Variants in SELENON observed in about 807,000 individuals in gnomAD.
SELENON encodes selenoprotein N, also known as selenoprotein N, 1.
In SELENON, 44 loss-of-function variants were observed where a neutral mutation model predicts 59.5. The observed-to-expected ratio is 0.74, with a 90% CI of 0.58 to 0.95. SELENON has a LOEUF of 0.95. Among genes scored for constraint, SELENON ranks in the 40% least tolerant of loss-of-function variants. The pLI is 0.00. For synonymous variants in SELENON, 320 were observed against 305.6 expected (o/e 1.05, Z -0.49); for missense variants, 674 against 721.4 (o/e 0.93, Z 0.75).
Position 25,802,001 on chromosome 1 carries a change from T to C in SELENON, c.302-15T>C. 2 of 269,674 alleles carry C rather than the reference T, an allele frequency of 7.4e-6. No individual in the cohort carries two copies. Among genetic ancestry groups the C allele is most frequent in the East Asian group, 1.2e-4 (1 of 8,004 alleles). The allele number at this position is 269,674 out of a possible 1,614,324, so 16.7% of individuals were successfully genotyped here. A position where few individuals can be genotyped will look rare whatever the true frequency, so the allele number is the denominator to read the frequency against. On this transcript the variant is annotated splice_polypyrimidine_tract_variant and intron_variant, in intron 2 of 12. Coordinates refer to ENST00000361547, the MANE Select transcript of SELENON (RefSeq NM_020451.3). ...ATAGACAGCAGCTATAACTTTTTTTTTTTTTTTGAGACAGGGTCTTGTTCT... is the reference window on the plus strand; with the variant it reads ...ATAGACAGCAGCTATAACTTTTTTTCTTTTTTTGAGACAGGGTCTTGTTCT...
chr1:25,812,556 T>TACAAACAA (rs1491487893), intron 9 of SELENON, 131 bp from the exon 9 acceptor site: 8 of 527,904 alleles, frequency 1.5e-5, no homozygotes, highest in East Asian at 7.6e-5. Flanking sequence ...TATATATGCC[T>TACAAACAA]ACACACAAAC....
At chr1:25,801,907 T>A in intron 2 of SELENON, 2 of 209,266 alleles carry the variant, frequency 9.6e-6, no homozygotes, top group Non-Finnish European at 2.0e-5. Context: ...GGCTTCAGGG[T>A]CCTGCACCAG....
In SELENON at chr1:25,811,788, A is replaced by G; in HGVS notation, c.1190A>G (p.Gln397Arg). The G allele has an allele frequency of 6.3e-7, 1 of 1,590,744 alleles. No homozygotes were observed. Among genetic ancestry groups the G allele is most frequent in the Non-Finnish European group, 8.6e-7 (1 of 1,168,838 alleles). ...CACCTGCCTTCAGGGGAGCCCCTGC[A>G]GTTTGTGTTTGAGGAGATCAAGTGG... The change falls in exon 9 of 13, where the codon CAG becomes CGG. Residue 397 changes from glutamine to arginine, a missense_variant. By Grantham distance (43) the Gln-to-Arg change is conservative (BLOSUM62 1). Coordinates refer to ENST00000361547, the MANE Select transcript of SELENON (RefSeq NM_020451.3).
Position 25,805,009 on chromosome 1 carries a change from T to C in SELENON, c.404-133T>C, listed in dbSNP as rs931951606. On this transcript the variant is annotated intron_variant, in intron 3 of 12. Coordinates refer to ENST00000361547, the MANE Select transcript of SELENON (RefSeq NM_020451.3). ...AAAATGCGATACACTGGTTGTTACT[T>C]TGGTGACTGTTAACACCCCAGCTAC... The C allele has an allele frequency of 1.4e-5, 16 of 1,106,510 alleles. No individual in the cohort carries two copies. The African/African-American group carries it at 2.3e-4, about 16-fold the overall frequency. 68.5% of individuals were successfully genotyped at this position (1,106,510 alleles called of 1,614,324 possible).
intron 3 of SELENON, 151 bp from the exon 3 acceptor site, chr1:25,804,991 G>T: frequency 1.1e-6 from 1 of 917,728 alleles, no homozygotes; most frequent in Non-Finnish European, 1.8e-6. Flanking sequence ...ACTAAAATGC[G>T]ATACACTGGT....
intron 3 of SELENON, among the ~76,000 whole-genome samples, chr1:25,802,926 C>T (rs901582087): frequency 3.3e-5 from 5 of 152,140 alleles, no homozygotes; most frequent in Non-Finnish European, 7.3e-5. Flanking sequence ...CTGGCTGTTT[C>T]GGGTGCATAA....
At chr1:25,813,823 G>A (rs1383690399) in intron 10 of SELENON, 58 bp from the exon 10 acceptor site, 11 of 1,375,042 alleles carry the variant, frequency 8.0e-6, no homozygotes, top group Non-Finnish European at 1.0e-5. Flanking sequence ...TCTCCCCAAA[G>A]CAAGATTGCA....
chr1:25,805,693 G>A (rs377738860), intron 4 of SELENON, among the ~76,000 whole-genome samples: 10 of 151,918 alleles, frequency 6.6e-5, no homozygotes, highest in South Asian at 4.1e-4. Context: ...TCTTCCCCAC[G>A]GGGCATAGCA....
At chr1:25,813,471 G>A (rs2047984006) in intron 10 of SELENON, 2 of 360,162 alleles carry the variant, frequency 5.6e-6, no homozygotes, top group Non-Finnish European at 1.1e-5. Flanking sequence ...GCACCAGAGT[G>A]TATAACTGGG....
At chr1:25,812,585 ACACACACACACACACACAC>A (rs2047974128) in intron 9 of SELENON, 83 bp from the exon 9 acceptor site, 1 of 755,138 alleles carries the variant, frequency 1.3e-6, no homozygotes. Context: ...ACACACACAC[ACACACACACACACACACAC>A]ACTTGCACAC....
intron 10 of SELENON, 142 bp from the exon 10 acceptor site, chr1:25,813,739 G>T (rs1572236623): frequency 1.4e-6 from 1 of 720,920 alleles, no homozygotes; most frequent in Non-Finnish European, 2.6e-6. Context: ...CATTTATTCA[G>T]CACCTACTCT....
chr1:25,814,481 G>A (rs1248302346), intron 12 of SELENON, among the ~76,000 whole-genome samples: 10 of 152,202 alleles, frequency 6.6e-5, no homozygotes, highest in Admixed American at 2.0e-4. Context: ...GGACCATGGC[G>A]GCCAGTCCTG....
chr1:25,809,619 A>G, intron 6 of SELENON, 64 bp from the exon 6 acceptor site: 2 of 1,606,784 alleles, frequency 1.2e-6, no homozygotes, highest in Middle Eastern at 1.7e-4. Context: ...ATTCTGGCCA[A>G]GGCTTCCCGG....
In SELENON at chr1:25,811,694, G is replaced by T. The variant is rs794727976; in HGVS notation, c.1096G>T (p.Glu366Ter). ...CTACCACTGACCTCTGGCCCAGATG[G>T]AGCTGGAGGCCACGGGCCCCTCTGT... The change falls in exon 9 of 13, where the codon GAG (glutamate) becomes TAG (stop). Residue 366 changes from glutamate to a stop codon, truncating the protein, a stop_gained. Coordinates refer to ENST00000361547, the MANE Select transcript of SELENON (RefSeq NM_020451.3). LOFTEE classifies it high-confidence loss of function. 1 of 1,610,752 alleles carries T rather than the reference G, an allele frequency of 6.2e-7. No individual in the cohort carries two copies. Among genetic ancestry groups the T allele is most frequent in the Non-Finnish European group, 8.5e-7 (1 of 1,178,646 alleles).
In SELENON at chr1:25,816,908, T is replaced by G. The variant is rs1377051681; in HGVS notation, c.*1190T>G. ...ATGGGAAGAAGTAGTCCTCTCTTCC[T>G]TCTCCTCTTCAGCTTTTTAAAAACA... On this transcript the variant is annotated 3_prime_UTR_variant, in exon 13 of 13. Transcript: ENST00000361547. 1 of 152,526 alleles carries G rather than the reference T, an allele frequency of 6.6e-6. No homozygotes were observed. The highest frequency in any genetic ancestry group is 1.5e-5 in the Non-Finnish European group (1 of 68,084). 9.4% of individuals were successfully genotyped at this position (152,526 alleles called of 1,614,324 possible).
chr1:25,809,270 A>T (rs576579112), intron 6 of SELENON, 120 bp downstream of exon 5: 9 of 1,479,994 alleles, frequency 6.1e-6, no homozygotes, highest in East Asian at 4.8e-5. Flanking sequence ...CGTCTTGGGC[A>T]AGCAGCTTTG....
rs367859333 is a variant in SELENON at position 25,815,648 on chromosome 1, C to T, written c.1703C>T (p.Pro568Leu). Residue 568 changes from proline (P) to leucine (L), a missense_variant, in exon 13 of 13, where the codon CCG becomes CTG. Coordinates refer to ENST00000361547, the MANE Select transcript of SELENON (RefSeq NM_020451.3). ...AGCTTCTCATCCACCTTTGAAGACC[C>T]GTCCACGGCCACCTACATGCAGTTC... 2.0e-5 allele frequency: 33 copies of T among 1,614,048 alleles called. No individual in the cohort carries two copies. The highest frequency in any genetic ancestry group is 3.3e-4 in the Middle Eastern group (2 of 6,084).
In SELENON at chr1:25,808,630, A is replaced by G; in HGVS notation, c.588A>G (p.Ser196=). Reference sequence around the variant, plus strand: ...TCCGAAACTGGACAGCCGCCGCCTCACCAAGTGCAGTGTTTGCCACCCGCC... The same window carrying G: ...TCCGAAACTGGACAGCCGCCGCCTCGCCAAGTGCAGTGTTTGCCACCCGCC... The change falls in exon 5 of 13, where the codon TCA becomes TCG. Residue 196 remains serine (S), a synonymous_variant. Transcript: ENST00000361547. 1 of 1,613,406 alleles carries G rather than the reference A, an allele frequency of 6.2e-7. No individual in the cohort carries two copies. The highest frequency in any genetic ancestry group is 1.1e-5 in the South Asian group (1 of 91,052).
chr1:25,801,633 C>A (rs1293833944), intron 2 of SELENON, among the ~76,000 whole-genome samples: 1 of 152,140 alleles, frequency 6.6e-6, no homozygotes, highest in African/African-American at 2.4e-5. Flanking sequence ...GCACTCCAGC[C>A]TGGGCGACAG....
Sources: allele counts gnomAD v4.1 joint callset (sites outside exome capture counted in the v4.1 genomes callset), GRCh38; gene constraint gnomAD v4.1.1; transcripts MANE v1.5; gene names NCBI Gene and HGNC (gene_info 2026-07-23, HGNC 2026-07-21).